Variants in PSMF1 observed in about 807,000 individuals in gnomAD.
PSMF1 encodes proteasome inhibitor subunit 1, also known as proteasome inhibitor PI31 subunit.
PSMF1 carries 30 observed loss-of-function variants against 29.3 expected under a neutral mutation model. That is an observed-to-expected ratio of 1.02 (90% CI 0.77 to 1.39). PSMF1 has a LOEUF of 1.39. Among genes scored for constraint, PSMF1 ranks in the 40% most tolerant of loss-of-function variants. The pLI, the probability that PSMF1 is intolerant of heterozygous loss-of-function variation, is 0.00. For synonymous variants in PSMF1, 134 were observed against 139.7 expected (o/e 0.96, Z 0.29); for missense variants, 344 against 357.5 (o/e 0.96, Z 0.31).
chr20:1,114,010 G>A (rs1251463774), upstream of PSMF1, among the ~76,000 whole-genome samples: 1 of 152,130 alleles, frequency 6.6e-6, no homozygotes, highest in East Asian at 1.9e-4. Flanking sequence ...GACTTTCTAA[G>A]GCATGGCTTA....
rs547917079 is a variant in PSMF1 at position 1,168,609 on chromosome 20, G to A, written c.*3529G>A. On this transcript the variant is annotated 3_prime_UTR_variant, in exon 7 of 7. Transcript: ENST00000335877. ...ATGTATTGTGCTCACAGTGGCGATG[G>A]TGTTCCTGTGCTGGATGGTCAGTGG... Among the ~76,000 whole-genome samples, 1 of 152,328 alleles carries A rather than the reference G, an allele frequency of 6.6e-6. No individual in the cohort carries two copies. Among genetic ancestry groups the A allele is most frequent in the African/African-American group, 2.4e-5 (1 of 41,578 alleles).
chr20:1,137,804 G>A (rs1429643789), intron 4 of PSMF1, among the ~76,000 whole-genome samples: 1 of 152,154 alleles, frequency 6.6e-6, no homozygotes, highest in Non-Finnish European at 1.5e-5. Flanking sequence ...TTTGTTAGGT[G>A]AAATAATTCT....
At chr20:1,162,687 G>A (rs906173520) in intron 4 of PSMF1, among the ~76,000 whole-genome samples, 1 of 152,050 alleles carries the variant, frequency 6.6e-6, no homozygotes, top group Non-Finnish European at 1.5e-5. Context: ...TTGACAAAAA[G>A]GTTGAGAAGT....
Position 1,165,300 on chromosome 20 carries a change from C to G in PSMF1, c.*220C>G, listed in dbSNP as rs946599975. The G allele has an allele frequency of 1.4e-6, 2 of 1,409,854 alleles. No individual in the cohort carries two copies. The highest frequency in any genetic ancestry group is 2.6e-5 in the East Asian group (1 of 38,302). 87.3% of individuals were successfully genotyped at this position (1,409,854 alleles called of 1,614,324 possible). A position where few individuals can be genotyped will look rare whatever the true frequency, so the allele number is the denominator to read the frequency against. ...AGCTCCCAAAGAGAAATCAGTGTGT[C>G]TCTTTCACCATCAGCTCCTCCCCTT... is the stretch of plus-strand genomic sequence containing the variant. On this transcript the variant is annotated 3_prime_UTR_variant, in exon 7 of 7. Transcript: ENST00000335877.
Position 1,163,850 on chromosome 20 carries a change from G to C in PSMF1, c.606-468G>C, listed in dbSNP as rs2086696339. 6.6e-6 allele frequency among the ~76,000 whole-genome samples: 1 copy of C among 152,222 alleles called. No individual in the cohort carries two copies. Among genetic ancestry groups the C allele is most frequent in the Non-Finnish European group, 1.5e-5 (1 of 68,040 alleles). Reference sequence around the variant, plus strand: ...CACTTAGGCAATCTACAGGCAGTCAGAAATTGCCCTGAGGCCCTTAAGGGA... The same window carrying C: ...CACTTAGGCAATCTACAGGCAGTCACAAATTGCCCTGAGGCCCTTAAGGGA... On this transcript the variant is annotated intron_variant, in intron 5 of 6. Coordinates refer to ENST00000335877, the MANE Select transcript of PSMF1 (RefSeq NM_006814.5). This position sits in a 1 kb window ranked among gnomAD's most constrained non-coding sequence, Gnocchi z 6.1.
intron 1 of PSMF1, among the ~76,000 whole-genome samples, chr20:1,123,996 C>T (rs2086122786): frequency 6.6e-6 from 1 of 152,164 alleles, no homozygotes; most frequent in African/African-American, 2.4e-5. Context: ...TATCTTTTGC[C>T]ACTTTTTGGA....
chr20:1,147,194 G>A (rs1037936884), intron 4 of PSMF1, among the ~76,000 whole-genome samples: 11 of 151,894 alleles, frequency 7.2e-5, no homozygotes, highest in Non-Finnish European at 1.3e-4. Context: ...CTGTGTTGAG[G>A]ACAGAAGTAA....
At chr20:1,158,663 G>A (rs2086625476) in intron 4 of PSMF1, among the ~76,000 whole-genome samples, 1 of 152,318 alleles carries the variant, frequency 6.6e-6, no homozygotes, top group South Asian at 2.1e-4. Context: ...TTGCAGTAGC[G>A]ACATACTACC....
At chr20:1,128,791 G>A (rs973127980) in intron 3 of PSMF1, among the ~76,000 whole-genome samples, 39 of 152,136 alleles carry the variant, frequency 2.6e-4, no homozygotes, top group African/African-American at 8.4e-4. Flanking sequence ...AGTACAGTGT[G>A]ACTGTTCAAG....
intron 4 of PSMF1, among the ~76,000 whole-genome samples, chr20:1,149,061 C>G (rs559266357): frequency 9.2e-5 from 14 of 152,258 alleles, no homozygotes; most frequent in African/African-American, 3.4e-4. Flanking sequence ...TTTTGCAAAT[C>G]TCTTTAATGT....
At chr20:1,135,033 G>A (rs769362247) in intron 3 of PSMF1, 88 bp from the exon 4 acceptor site, 67 of 1,379,626 alleles carry the variant, frequency 4.9e-5, no homozygotes, top group Middle Eastern at 1.8e-4. Context: ...TATCAGGGCC[G>A]CCGCCGCCGC....
At chr20:1,123,487 G>A (rs2086116461) in intron 1 of PSMF1, among the ~76,000 whole-genome samples, 2 of 152,004 alleles carry the variant, frequency 1.3e-5, no homozygotes, top group East Asian at 1.9e-4. Context: ...TACATAAGTG[G>A]TACTGGAGTG....
At position 1,122,921 on chromosome 20, in the gene PSMF1, G is replaced by A. The variant is rs1480269617; in HGVS notation, c.130-2577G>A. 3.3e-5 allele frequency among the ~76,000 whole-genome samples: 5 copies of A among 152,272 alleles called. No homozygotes were observed. The East Asian group carries it at 9.6e-4, about 29-fold the overall frequency. ...TGGTGGATTGAATGCTGTACATGGA[G>A]GATATAATATAAATTTAAAGGCGTT... On this transcript the variant is annotated intron_variant, in intron 1 of 6. Coordinates refer to ENST00000335877, the MANE Select transcript of PSMF1 (RefSeq NM_006814.5).
chr20:1,168,544 G>A lies in PSMF1; in HGVS notation c.*3464G>A, dbSNP rs1463368502. Among the ~76,000 whole-genome samples the A allele has an allele frequency of 3.3e-5, 5 of 152,242 alleles. No individual in the cohort carries two copies. Among genetic ancestry groups the A allele is most frequent in the South Asian group, 2.1e-4 (1 of 4,824 alleles). On this transcript the variant is annotated 3_prime_UTR_variant, in exon 7 of 7. Coordinates refer to ENST00000335877, the MANE Select transcript of PSMF1 (RefSeq NM_006814.5). ...CAGTCATAAGTGTCTGTCAACCTCC[G>A]TTGTGAAGTCATGAGTCTCTTGAGA... is the stretch of plus-strand genomic sequence containing the variant.
rs147475008 is a variant in PSMF1, at chr20:1,166,098, T to C, written c.*1018T>C. 2,977 of 1,535,398 alleles carry C rather than the reference T, an allele frequency of 1.9e-3. 18 individuals carry two copies. Among genetic ancestry groups the C allele is most frequent in the Non-Finnish European group, 1.8e-3 (2,098 of 1,136,588 alleles). ...CTAACTCTGTGGTTTTTGGACCCCA[T>C]GGGGCCCAGACAGAGCACAGGAGCA... On this transcript the variant is annotated 3_prime_UTR_variant, in exon 7 of 7. Transcript: ENST00000335877.
In PSMF1 at chr20:1,163,639, C is replaced by T. The variant is rs1288090190; in HGVS notation, c.605+456C>T. Among the ~76,000 whole-genome samples the T allele has an allele frequency of 6.6e-6, 1 of 152,224 alleles. No individual in the cohort carries two copies. Among genetic ancestry groups the T allele is most frequent in the Non-Finnish European group, 1.5e-5 (1 of 68,042 alleles). On this transcript the variant is annotated intron_variant, in intron 5 of 6. Transcript: ENST00000335877. This position sits in a 1 kb window ranked among gnomAD's most constrained non-coding sequence, Gnocchi z 6.1. The stretch of plus-strand genomic sequence containing the variant: ...CTGAATGATTCCAAATAGATTTTAA[C>T]CTCTGCTACAAAGTGACCCCGACTT...
intron 1 of PSMF1, 135 bp downstream of exon 1, chr20:1,119,037 TA>T: frequency 7.9e-7 from 1 of 1,267,564 alleles, no homozygotes; most frequent in Non-Finnish European, 1.1e-6. Flanking sequence ...GCAGCGTTGG[TA>T]AAACCTGCGG....
At chr20:1,114,367 C>T (rs965782379), upstream of PSMF1, among the ~76,000 whole-genome samples, 7 of 152,190 alleles carry the variant, frequency 4.6e-5, no homozygotes, top group African/African-American at 1.2e-4. Flanking sequence ...AATCAGCTCC[C>T]AAATAAACCA....
At chr20:1,153,400 A>T (rs2086555558) in intron 4 of PSMF1, among the ~76,000 whole-genome samples, 1 of 151,782 alleles carries the variant, frequency 6.6e-6, no homozygotes, top group Non-Finnish European at 1.5e-5. Context: ...ATTTCTTCTC[A>T]TGTGTCTGCC....
Sources: gnomAD v4.1 joint callset for allele counts (sites outside exome capture counted in the v4.1 genomes callset) on GRCh38, gnomAD v4.1.1 for gene constraint, Gnocchi (gnomAD v3.1) non-coding constraint, MANE v1.5 for transcripts, NCBI Gene and HGNC (gene_info 2026-07-23, HGNC 2026-07-21) for gene names.